ATXN1: variants seen among roughly 807,000 people sequenced by gnomAD.
ATXN1 encodes the protein ataxin 1, also known as ataxin-1.
In ATXN1, 8 loss-of-function variants were observed where a neutral mutation model predicts 56.4. The observed-to-expected ratio is 0.14, with a 90% CI of 0.08 to 0.26. The LOEUF (loss-of-function observed/expected upper bound fraction) is 0.26, where lower values mean the gene tolerates loss of function less well. Among genes scored for constraint, ATXN1 ranks in the 10% least tolerant of loss-of-function variants. The pLI is 1.00. For synonymous variants in ATXN1, 514 were observed against 494.6 expected (o/e 1.04, Z -0.52); for missense variants, 987 against 1,106.5 (o/e 0.89, Z 1.53).
At chr6:16,644,302 G>A (rs1203135453) in intron 3 of ATXN1, among the ~76,000 whole-genome samples, 1 of 152,120 alleles carries the variant, frequency 6.6e-6, no homozygotes, top group Non-Finnish European at 1.5e-5. Context: ...AGATCACGAG[G>A]TCAAGAGATC....
chr6:16,453,884 T>G (rs1759807779), intron 6 of ATXN1, among the ~76,000 whole-genome samples: 1 of 152,150 alleles, frequency 6.6e-6, no homozygotes, highest in Admixed American at 6.5e-5. Context: ...CTCACACTTG[T>G]AATCCCAGCA....
intron 3 of ATXN1, among the ~76,000 whole-genome samples, chr6:16,646,022 C>A (rs750860038): frequency 4.0e-5 from 6 of 151,758 alleles, no homozygotes; most frequent in African/African-American, 7.3e-5. Context: ...GGCTCCAGAA[C>A]AGCCTGGGTA....
At chr6:16,372,926 T>TAAAC (rs1762072353) in intron 6 of ATXN1, among the ~76,000 whole-genome samples, 1 of 142,476 alleles carries the variant, frequency 7.0e-6, no homozygotes, top group East Asian at 2.0e-4. Context: ...AATAAATAAA[T>TAAAC]AAATAAATAA....
chr6:16,326,946 T>C lies in ATXN1; in HGVS notation c.1365A>G (p.Ala455=). Residue 455 remains alanine (A), a synonymous_variant, in exon 7 of 8, where the codon GCA becomes GCG. Transcript: ENST00000436367. The surrounding 1 kb of genome is among the most constrained non-coding windows in gnomAD (Gnocchi z 6.6). ...AGCCGATGACAGGGGGTTGAGTCCC[T>C]GCGTAGAAGGCCGTGGCTGGCAGTC... ...PVGLPATAFY[A]GTQPPVIGYL... The C allele has an allele frequency of 6.2e-7, 1 of 1,614,120 alleles. No individual in the cohort carries two copies. The highest frequency in any genetic ancestry group is 1.1e-5 in the South Asian group (1 of 91,082).
intron 6 of ATXN1, among the ~76,000 whole-genome samples, chr6:16,429,691 T>A (rs935131152): frequency 7.9e-5 from 12 of 152,186 alleles, no homozygotes. Flanking sequence ...ATGCTGAGAT[T>A]ACAGGTGTGA....
intron 5 of ATXN1, among the ~76,000 whole-genome samples, chr6:16,497,692 G>A (rs557993433): frequency 6.6e-6 from 1 of 152,160 alleles, no homozygotes; most frequent in Non-Finnish European, 1.5e-5. Flanking sequence ...GGGCCATGCT[G>A]GGAACTTGAT....
At chr6:16,359,754 C>T (rs1437358735) in intron 6 of ATXN1, among the ~76,000 whole-genome samples, 2 of 152,184 alleles carry the variant, frequency 1.3e-5, no homozygotes, top group East Asian at 1.9e-4. Context: ...GGACGCAGGA[C>T]AAAAACTTGG....
intron 2 of ATXN1, among the ~76,000 whole-genome samples, chr6:16,714,188 CACACACACACACA>C (rs1561819322): frequency 2.0e-4 from 25 of 124,384 alleles, no homozygotes; most frequent in Admixed American, 4.0e-4. Context: ...ACACCACACA[CACACACACACACA>C]CACACACACA....
intron 3 of ATXN1, among the ~76,000 whole-genome samples, chr6:16,623,779 G>T (rs761524565): frequency 1.5e-4 from 23 of 152,256 alleles, no homozygotes; most frequent in Non-Finnish European, 2.5e-4. Context: ...AAAAGGATTG[G>T]TTTTACTGTC....
chr6:16,633,489 C>A (rs188668564), intron 3 of ATXN1, among the ~76,000 whole-genome samples: 131 of 152,268 alleles, frequency 8.6e-4, no homozygotes, highest in African/African-American at 3.1e-3. Flanking sequence ...AATTCCAGGT[C>A]CTCCCAATTT....
chr6:16,341,124 G>A (rs1032863145), intron 6 of ATXN1, among the ~76,000 whole-genome samples: 14 of 152,344 alleles, frequency 9.2e-5, no homozygotes, highest in Non-Finnish European at 1.5e-4. Context: ...ACCAAATGGA[G>A]GAGTTGGCTC....
chr6:16,571,590 C>T (rs866691297), intron 4 of ATXN1, among the ~76,000 whole-genome samples: 1 of 152,098 alleles, frequency 6.6e-6, no homozygotes, highest in South Asian at 2.1e-4. Flanking sequence ...CTCCTGGGCT[C>T]AAGCAATCCT....
At chr6:16,377,572 C>T (rs1404254783) in intron 6 of ATXN1, among the ~76,000 whole-genome samples, 4 of 152,104 alleles carry the variant, frequency 2.6e-5, no homozygotes, top group Non-Finnish European at 5.9e-5. Flanking sequence ...GAGACAGACA[C>T]CAAGAAACCA....
chr6:16,514,411 C>A lies in ATXN1; in HGVS notation c.-299+8216G>T, dbSNP rs73724884. 6.7e-3 allele frequency among the ~76,000 whole-genome samples: 1,015 copies of A among 152,264 alleles called. 14 individuals carry two copies. The highest frequency in any genetic ancestry group is 0.023 in the African/African-American group (958 of 41,554). The stretch of plus-strand genomic sequence containing the variant: ...GCGAGGCACACCAGCAGGAGAGAGA[C>A]AGTTCTCATGGGTGGATGGTGAACC... On this transcript the variant is annotated intron_variant, in intron 5 of 7. Coordinates refer to ENST00000436367, the MANE Select transcript of ATXN1 (RefSeq NM_001128164.2).
At chr6:16,513,755 G>T (rs564893478) in intron 5 of ATXN1, among the ~76,000 whole-genome samples, 1 of 152,272 alleles carries the variant, frequency 6.6e-6, no homozygotes, top group East Asian at 1.9e-4. Context: ...TAAGCAGGAG[G>T]TTCTGACCAG....
At chr6:16,634,983 C>T (rs1481483227) in intron 3 of ATXN1, among the ~76,000 whole-genome samples, 2 of 152,166 alleles carry the variant, frequency 1.3e-5, no homozygotes, top group Non-Finnish European at 2.9e-5. Context: ...GGGTTCCCAA[C>T]CCCTGGGCTA....
intron 4 of ATXN1, among the ~76,000 whole-genome samples, chr6:16,528,641 T>C (rs561395044): frequency 6.6e-6 from 1 of 152,370 alleles, no homozygotes; most frequent in South Asian, 2.1e-4. Flanking sequence ...GAGTGGCTAA[T>C]TTGTATGGAC....
At chr6:16,390,592 G>A (rs9477120) in intron 6 of ATXN1, among the ~76,000 whole-genome samples, 21,718 of 151,690 alleles carry the variant, frequency 0.14, 1,835 homozygotes, top group African/African-American at 0.23. Context: ...TATCTCTAGC[G>A]TCATATCTCC....
intron 2 of ATXN1, among the ~76,000 whole-genome samples, chr6:16,670,944 A>G (rs1758527619): frequency 6.6e-6 from 1 of 152,254 alleles, no homozygotes; most frequent in Non-Finnish European, 1.5e-5. Context: ...CATGTGGAAC[A>G]TATAATCTAG....
Sources: gnomAD v4.1 joint callset for allele counts (sites outside exome capture counted in the v4.1 genomes callset) on GRCh38, gnomAD v4.1.1 for gene constraint, Gnocchi (gnomAD v3.1) non-coding constraint, MANE v1.5 for transcripts, NCBI Gene and HGNC (gene_info 2026-07-23, HGNC 2026-07-21) for gene names.